Variants in ITGAE observed in about 807,000 individuals in gnomAD.
ITGAE encodes integrin subunit alpha E.
Under a neutral mutation model 136.5 loss-of-function variants are expected in ITGAE, and 99 were observed. The ratio of observed to expected loss-of-function variants is 0.73; its 90% CI spans 0.62 to 0.86. The LOEUF is 0.86. Among genes scored for constraint, ITGAE ranks in the 40% least tolerant of loss-of-function variants. The pLI is 0.00. For missense variants in ITGAE, 1,447 were observed against 1,515.3 expected, an observed-to-expected ratio of 0.95 and a Z score of 0.75; for synonymous variants, 613 against 591.8, an observed-to-expected ratio of 1.04 and a Z score of -0.52.
chr17:3,725,672 C>A, intron 26 of ITGAE: 1 of 1,590,166 alleles, frequency 6.3e-7, no homozygotes, highest in South Asian at 1.1e-5. Flanking sequence ...CCTGGGATCA[C>A]TATAATTCAA....
chr17:3,780,047 C>T (rs1475684726), intron 1 of ITGAE, among the ~76,000 whole-genome samples: 6 of 152,182 alleles, frequency 3.9e-5, no homozygotes, highest in Admixed American at 3.9e-4. Flanking sequence ...GATCTCGGCT[C>T]ACCGCAACCT....
rs183413530 is a variant in ITGAE at position 3,727,493 on chromosome 17, G to A, written c.3084+426C>T. Among the ~76,000 whole-genome samples, 1,262 of 151,114 alleles carry A rather than the reference G, an allele frequency of 8.4e-3. 23 individuals are homozygous for A. The highest frequency in any genetic ancestry group is 0.029 in the African/African-American group (1,188 of 41,186). On this transcript the variant is annotated intron_variant, in intron 26 of 30. Coordinates refer to ENST00000263087, the MANE Select transcript of ITGAE (RefSeq NM_002208.5). ...CGGCTCACTGCAAGCTCCGCCTCCC[G>A]GGCTCACACCATTCTCCTGCCTCAG... is the stretch of plus-strand genomic sequence containing the variant.
chr17:3,721,183 C>A (rs1238035853), intron 28 of ITGAE, among the ~76,000 whole-genome samples: 2 of 151,766 alleles, frequency 1.3e-5, no homozygotes, highest in Non-Finnish European at 1.5e-5. Flanking sequence ...CCCACCTTAG[C>A]CTCCCACAGT....
chr17:3,793,831 C>T (rs962419397), intron 1 of ITGAE, among the ~76,000 whole-genome samples: 5 of 152,144 alleles, frequency 3.3e-5, no homozygotes, highest in Non-Finnish European at 5.9e-5. Flanking sequence ...CAGGTGTGAG[C>T]CACTGCACCT....
intron 1 of ITGAE, among the ~76,000 whole-genome samples, chr17:3,797,686 C>G (rs1271115244): frequency 6.6e-6 from 1 of 151,892 alleles, no homozygotes; most frequent in African/African-American, 2.4e-5. Flanking sequence ...GTCTTGAACT[C>G]CTGATCACAA....
chr17:3,751,921 G>A, intron 14 of ITGAE, 47 bp from the exon 15 acceptor site: 1 of 1,519,034 alleles, frequency 6.6e-7, no homozygotes, highest in Non-Finnish European at 9.1e-7. Context: ...GGTGCTAGGT[G>A]CCCACTCCAT....
Position 3,794,713 on chromosome 17 carries a change from C to T in ITGAE, c.34+6398G>A, listed in dbSNP as rs12603726. 3.3e-3 allele frequency among the ~76,000 whole-genome samples: 499 copies of T among 152,256 alleles called. 24 individuals carry two copies. The East Asian group carries it at 0.089, about 27-fold the overall frequency. On this transcript the variant is annotated intron_variant, in intron 1 of 30. Coordinates refer to ENST00000263087, the MANE Select transcript of ITGAE (RefSeq NM_002208.5). ...GGCTCCGGCCCCGGGGCCCACGTCA[C>T]GTTGAGCCCTGTGCCTCCTGGTCAG... is the stretch of plus-strand genomic sequence containing the variant.
At chr17:3,791,898 T>C (rs2052948161) in intron 1 of ITGAE, among the ~76,000 whole-genome samples, 1 of 152,152 alleles carries the variant, frequency 6.6e-6, no homozygotes, top group Non-Finnish European at 1.5e-5. Context: ...TCTTGATCAT[T>C]GTGTCATCCG....
At chr17:3,744,601 C>A (rs1211510589) in intron 18 of ITGAE, among the ~76,000 whole-genome samples, 1 of 152,010 alleles carries the variant, frequency 6.6e-6, no homozygotes, top group Non-Finnish European at 1.5e-5. Flanking sequence ...CATGCCACCA[C>A]GCCTGGCTAA....
intron 8 of ITGAE, 93 bp from the exon 9 acceptor site, chr17:3,757,952 G>C: frequency 6.9e-7 from 1 of 1,443,762 alleles, no homozygotes; most frequent in South Asian, 1.2e-5. Context: ...TATTAGAATT[G>C]GGAGGGTTCA....
chr17:3,795,014 G>A (rs1442680176), intron 1 of ITGAE, among the ~76,000 whole-genome samples: 1 of 152,128 alleles, frequency 6.6e-6, no homozygotes, highest in African/African-American at 2.4e-5. Flanking sequence ...GGCCTGCTCA[G>A]CACTCTCCAC....
intron 2 of ITGAE, among the ~76,000 whole-genome samples, chr17:3,776,357 A>C (rs1425475368): frequency 6.6e-6 from 1 of 151,352 alleles, no homozygotes; most frequent in Non-Finnish European, 1.5e-5. Context: ...CGCGCCCGGC[A>C]GAACCTGTGC....
rs764107141 is a variant in ITGAE, at chr17:3,727,928, C to T, written c.3075G>A (p.Thr1025=). ...AACTGCCTTTAAATACCTGAGTCCT[C>T]GTCAGCTTCTTCACTGCTACAACCT... The part of the protein sequence containing the change: ...GLQVVAVKKL[T]RTQASTVCTW... The change falls in exon 26 of 31, where the codon ACG becomes ACA. Residue 1025 remains threonine, a synonymous_variant. Transcript: ENST00000263087. The T allele has an allele frequency of 1.9e-5, 30 of 1,609,190 alleles. No individual in the cohort carries two copies. Among genetic ancestry groups the T allele is most frequent in the South Asian group, 9.9e-5 (9 of 91,016 alleles).
Position 3,797,173 on chromosome 17 carries a change from T to A in ITGAE, c.34+3938A>T, listed in dbSNP as rs1388936174. Among the ~76,000 whole-genome samples the A allele has an allele frequency of 8.8e-4, 118 of 133,396 alleles. 3 individuals are homozygous for A. The highest frequency in any genetic ancestry group is 1.8e-3 in the African/African-American group (68 of 36,808). 87.5% of individuals were successfully genotyped at this position (133,396 alleles called of 152,430 possible). On this transcript the variant is annotated intron_variant, in intron 1 of 30. Coordinates refer to ENST00000263087, the MANE Select transcript of ITGAE (RefSeq NM_002208.5). The stretch of plus-strand genomic sequence containing the variant: ...TATATATATATTTTTTTTTTTTTTT[T>A]TTTTTTTTTTGAGACGGAGTCTCGC...
intron 1 of ITGAE, among the ~76,000 whole-genome samples, chr17:3,793,520 C>T (rs890679973): frequency 1.3e-5 from 2 of 152,198 alleles, no homozygotes; most frequent in Non-Finnish European, 2.9e-5. Flanking sequence ...CTTATCTCAG[C>T]TCTGGATTCG....
At chr17:3,790,704 A>G in intron 1 of ITGAE, among the ~76,000 whole-genome samples, 1 of 152,180 alleles carries the variant, frequency 6.6e-6, no homozygotes, top group South Asian at 2.1e-4. Context: ...TCCTGAACAT[A>G]GATATTCTGC....
chr17:3,723,846 G>A, intron 26 of ITGAE, 102 bp from the exon 27 acceptor site: 2 of 1,535,660 alleles, frequency 1.3e-6, no homozygotes, highest in Non-Finnish European at 1.8e-6. Context: ...GCGCAGGGCC[G>A]GGAGCTAGGA....
chr17:3,789,083 A>C (rs1344366983), intron 1 of ITGAE, among the ~76,000 whole-genome samples: 1 of 151,662 alleles, frequency 6.6e-6, no homozygotes, highest in African/African-American at 2.4e-5. Context: ...CCGTTTCTAC[A>C]AAAAAATTAA....
intron 2 of ITGAE, among the ~76,000 whole-genome samples, chr17:3,774,469 G>T (rs1468733812): frequency 6.6e-6 from 1 of 152,096 alleles, no homozygotes; most frequent in Non-Finnish European, 1.5e-5. Context: ...CACAGCACTA[G>T]AAGTCATTTT....
Sources: gnomAD v4.1 joint callset for allele counts (sites outside exome capture counted in the v4.1 genomes callset) on GRCh38, gnomAD v4.1.1 for gene constraint, MANE v1.5 for transcripts, NCBI Gene and HGNC (gene_info 2026-07-23, HGNC 2026-07-21) for gene names.